GAK: variants seen among roughly 807,000 people sequenced by gnomAD.
The protein encoded by GAK is cyclin-G-associated kinase.
A neutral mutation model predicts 143.9 loss-of-function variants in GAK; 79 were observed. The ratio of observed to expected loss-of-function variants is 0.55; its 90% CI spans 0.46 to 0.66. The LOEUF (loss-of-function observed/expected upper bound fraction) is 0.66, where lower values mean the gene tolerates loss of function less well. Among genes scored for constraint, GAK ranks in the 30% least tolerant of loss-of-function variants. The probability of loss-of-function intolerance (pLI) is 0.00; values close to 1 mark genes in which losing one functional copy is unlikely to be tolerated. For synonymous variants in GAK, 881 were observed against 765.5 expected (o/e 1.15, Z -2.49); for missense variants, 1,693 against 1,779.7 (o/e 0.95, Z 0.88).
At chr4:859,056 G>T (rs1310088036) in intron 24 of GAK, 2 of 544,742 alleles carry the variant, frequency 3.7e-6, no homozygotes, top group Middle Eastern at 9.1e-4. Flanking sequence ...ACCCCAGGGG[G>T]ATGCATCTTG....
chr4:850,803 A>G, intron 26 of GAK, 133 bp downstream of exon 26: 1 of 996,434 alleles, frequency 1.0e-6, no homozygotes. Context: ...CGCCGGCTCC[A>G]TGTGGTACAG....
At position 861,589 on chromosome 4, in the gene GAK, T is replaced by TA. The variant is rs551645066; in HGVS notation, c.3167-1868dup. ...CACAACAAGAGCAAGACCCTGTCTC[T>TA]AAAAAAAAGAAAGCTGAGATAAGCT... On this transcript the variant is annotated intron_variant, in intron 23 of 27. Coordinates refer to ENST00000314167, the MANE Select transcript of GAK (RefSeq NM_005255.4). 1.8e-3 allele frequency among the ~76,000 whole-genome samples: 268 copies of TA among 151,956 alleles called. 12 individuals carry two copies. The South Asian group carries it at 0.047, about 26-fold the overall frequency.
chr4:896,828 T>C (rs1270760637), intron 6 of GAK, among the ~76,000 whole-genome samples: 1 of 152,382 alleles, frequency 6.6e-6, no homozygotes, highest in Non-Finnish European at 1.5e-5. Flanking sequence ...CACCGACGTA[T>C]TGGCCTGCTG....
chr4:866,582 G>T (rs1163218522), intron 21 of GAK, 48 bp from the exon 22 acceptor site: 2 of 1,587,576 alleles, frequency 1.3e-6, no homozygotes, highest in Non-Finnish European at 1.7e-6. Flanking sequence ...GCTGCCTGAA[G>T]ACAAAGGAGC....
chr4:908,033 C>T (rs191305704), intron 4 of GAK, among the ~76,000 whole-genome samples: 110 of 152,338 alleles, frequency 7.2e-4, no homozygotes, highest in Non-Finnish European at 1.0e-3. Context: ...ACACACTGGA[C>T]GCCGAGCAGC....
At chr4:859,405 TC>T (rs986389475) in intron 24 of GAK, 200 bp downstream of exon 24, 2 of 1,524,652 alleles carry the variant, frequency 1.3e-6, no homozygotes, top group Non-Finnish European at 1.8e-6. Flanking sequence ...TGTCAGCAAC[TC>T]CCGGTTTTAG....
intron 7 of GAK, among the ~76,000 whole-genome samples, chr4:895,962 T>C (rs1718686969): frequency 6.6e-6 from 1 of 152,158 alleles, no homozygotes; most frequent in African/African-American, 2.4e-5. Context: ...TCATCCCTAT[T>C]AGAAGTAGTC....
At chr4:929,551 C>T (rs1313255202) in intron 1 of GAK, among the ~76,000 whole-genome samples, 1 of 152,114 alleles carries the variant, frequency 6.6e-6, no homozygotes, top group African/African-American at 2.4e-5. Context: ...TGATAATCTG[C>T]CTTTTAAAAA....
intron 9 of GAK, among the ~76,000 whole-genome samples, chr4:891,880 G>C (rs1717743604): frequency 1.3e-5 from 2 of 152,248 alleles, no homozygotes; most frequent in Non-Finnish European, 1.5e-5. Flanking sequence ...CTTGCTGAGA[G>C]GCCACCAGTG....
chr4:905,898 C>T (rs983887867), intron 4 of GAK, among the ~76,000 whole-genome samples: 8 of 152,264 alleles, frequency 5.3e-5, no homozygotes, highest in African/African-American at 1.2e-4. Flanking sequence ...ACCTCAGCCC[C>T]GTGTGTGGGA....
At chr4:877,439 T>G (rs1281694222) in intron 16 of GAK, among the ~76,000 whole-genome samples, 176 bp downstream of exon 16, 3 of 152,228 alleles carry the variant, frequency 2.0e-5, no homozygotes, top group Admixed American at 6.5e-5. Flanking sequence ...GACACTCGGA[T>G]CCCTGTGACC....
At chr4:926,446 C>T (rs1011022598) in intron 1 of GAK, among the ~76,000 whole-genome samples, 16 of 152,310 alleles carry the variant, frequency 1.1e-4, no homozygotes, top group African/African-American at 3.9e-4. Flanking sequence ...AGCCCCCACT[C>T]CACCACTCGA....
chr4:875,458 G>A (rs903265294), intron 18 of GAK, among the ~76,000 whole-genome samples: 4 of 152,174 alleles, frequency 2.6e-5, no homozygotes, highest in African/African-American at 9.7e-5. Context: ...CCCAGGCCAG[G>A]CCAGCACCCC....
chr4:887,025 C>CACAGCACT (rs1407550877), intron 11 of GAK: 1 of 152,568 alleles, frequency 6.6e-6, no homozygotes, highest in Non-Finnish European at 1.5e-5. Context: ...CAGGCACTCA[C>CACAGCACT]ACAGCACTCC....
At chr4:929,891 T>C (rs946049878) in intron 1 of GAK, among the ~76,000 whole-genome samples, 2 of 152,252 alleles carry the variant, frequency 1.3e-5, no homozygotes. Flanking sequence ...TGAACTGATA[T>C]GGGGTTAATT....
In GAK at chr4:883,402, C is replaced by T. The variant is rs1346493328; in HGVS notation, c.1317G>A (p.Arg439=). 2 of 1,613,798 alleles carry T rather than the reference C, an allele frequency of 1.2e-6. No homozygotes were observed. Among genetic ancestry groups the T allele is most frequent in the South Asian group, 2.2e-5 (2 of 91,090 alleles). ...CTGGGTGCTTGGAGTCCAGGAACAA[C>T]CGCACATCTTCGATGTTGTTTTTGA... ...SALKNNIEDV[R]LFLDSKHPGH... Residue 439 remains arginine (R), a synonymous_variant, in exon 13 of 28, where the codon CGG becomes CGA. Transcript: ENST00000314167.
Position 866,435 on chromosome 4 carries a change from G to C in GAK, c.2972C>G (p.Thr991Ser), listed in dbSNP as rs1298359852. Residue 991 changes from threonine to serine, a missense_variant, in exon 22 of 28, where the codon ACC becomes AGC. By Grantham distance (58) the Thr-to-Ser change is moderately conservative. This residue lies in a region of GAK where 822 missense variants were observed against 788.7 expected (regional missense o/e 1.04). Coordinates refer to ENST00000314167, the MANE Select transcript of GAK (RefSeq NM_005255.4). ...GGCAGACGGGAAGGATGGTGGGACG[G>C]TCACAGAGTCCGAATTGAGAAATTC... is the stretch of plus-strand genomic sequence containing the variant. ...FGEFLNSDSV[T>S]VPPSFPSAHS... is the part of the protein sequence containing the mutation. The C allele has an allele frequency of 6.2e-7, 1 of 1,614,026 alleles. No individual in the cohort carries two copies. The highest frequency in any genetic ancestry group is 8.5e-7 in the Non-Finnish European group (1 of 1,179,988).
chr4:892,029 T>C (rs1336852362), intron 9 of GAK, among the ~76,000 whole-genome samples: 11 of 152,244 alleles, frequency 7.2e-5, no homozygotes, highest in African/African-American at 2.6e-4. Flanking sequence ...TGCACTGGGC[T>C]TCCCAGCACT....
chr4:911,290 C>T (rs576702440), intron 4 of GAK, among the ~76,000 whole-genome samples: 4 of 152,274 alleles, frequency 2.6e-5, no homozygotes, highest in East Asian at 1.9e-4. Flanking sequence ...AAGGCCACCA[C>T]GCTCCACCCC....
Sources: allele counts gnomAD v4.1 joint callset (sites outside exome capture counted in the v4.1 genomes callset), GRCh38; gene constraint gnomAD v4.1.1; regional missense constraint gnomAD v4.1.1; transcripts MANE v1.5; gene names NCBI Gene and HGNC (gene_info 2026-07-23, HGNC 2026-07-21).